CFAP70: variants seen among roughly 807,000 people sequenced by gnomAD.
CFAP70 encodes cilia and flagella associated protein 70.
CFAP70 carries 81 observed loss-of-function variants against 137.6 expected under a neutral mutation model. The observed-to-expected ratio is 0.59, with a 90% CI of 0.49 to 0.71. The LOEUF (loss-of-function observed/expected upper bound fraction) is 0.71, where lower values mean the gene tolerates loss of function less well. CFAP70 is among the 30% of genes least tolerant of loss of function. CFAP70 has a pLI of 0.00. For synonymous variants in CFAP70, 382 were observed against 423.6 expected (o/e 0.90, Z 1.20); for missense variants, 976 against 1,226.7 (o/e 0.80, Z 3.05).
At chr10:73,257,706 G>A (rs1045118391) in intron 25 of CFAP70, among the ~76,000 whole-genome samples, 2 of 152,112 alleles carry the variant, frequency 1.3e-5, no homozygotes, top group Non-Finnish European at 2.9e-5. Flanking sequence ...CAGCACACCT[G>A]CCTTTCCTAC....
At chr10:73,269,980 C>T (rs936003498) in intron 24 of CFAP70, among the ~76,000 whole-genome samples, 18 of 152,338 alleles carry the variant, frequency 1.2e-4, no homozygotes, top group African/African-American at 4.1e-4. Flanking sequence ...CTTCCCTCTA[C>T]AGCGGTCCCA....
chr10:73,309,148 C>A (rs1260954839), intron 12 of CFAP70, among the ~76,000 whole-genome samples: 2 of 151,880 alleles, frequency 1.3e-5, no homozygotes, highest in African/African-American at 2.4e-5. Flanking sequence ...GCAAGACTGA[C>A]TGAAAAAAGA....
intron 25 of CFAP70, among the ~76,000 whole-genome samples, chr10:73,263,890 T>C (rs1423569520): frequency 6.6e-6 from 1 of 152,228 alleles, no homozygotes; most frequent in Non-Finnish European, 1.5e-5. Context: ...TCCAATTCCA[T>C]CATTCTTCAT....
Position 73,273,034 on chromosome 10 carries a change from C to T in CFAP70, c.2836-17G>A. 6.5e-7 allele frequency: 1 copy of T among 1,533,194 alleles called. No homozygotes were observed. The highest frequency in any genetic ancestry group is 8.8e-7 in the Non-Finnish European group (1 of 1,131,828). 95.0% of individuals were successfully genotyped at this position (1,533,194 alleles called of 1,614,324 possible). A position where few individuals can be genotyped will look rare whatever the true frequency, so the allele number is the denominator to read the frequency against. On this transcript the variant is annotated splice_polypyrimidine_tract_variant and intron_variant, in intron 23 of 26. Coordinates refer to ENST00000310715, the Ensembl canonical transcript of CFAP70. The stretch of plus-strand genomic sequence containing the variant: ...CTTTTCATACTGTAGAAAGAAAGCA[C>T]CACTAAGCTACTGTTCTAGAAGCTT...
At chr10:73,347,250 TG>T (rs536452830) in intron 4 of CFAP70, among the ~76,000 whole-genome samples, 26 of 152,266 alleles carry the variant, frequency 1.7e-4, no homozygotes, top group Non-Finnish European at 2.5e-4. Flanking sequence ...TTGTAAGCAG[TG>T]GGTGAATCCA....
At chr10:73,321,511 T>C (rs2050849524) in intron 9 of CFAP70, among the ~76,000 whole-genome samples, 1 of 152,204 alleles carries the variant, frequency 6.6e-6, no homozygotes, top group Non-Finnish European at 1.5e-5. Context: ...TACAACTAGA[T>C]GATGGGGTTT....
At chr10:73,312,433 T>G in intron 10 of CFAP70, 40 bp downstream of exon 11, 2 of 1,456,458 alleles carry the variant, frequency 1.4e-6, no homozygotes, top group East Asian at 2.3e-5. Context: ...CTCTGGAATG[T>G]AATCTAAGAG....
intron 12 of CFAP70, among the ~76,000 whole-genome samples, chr10:73,300,706 G>GA (rs1217370947): frequency 4.6e-5 from 7 of 151,884 alleles, no homozygotes; most frequent in Admixed American, 4.6e-4. Context: ...CTACTAAAAT[G>GA]AAAAAAATTA....
At chr10:73,282,974 A>G (rs368858193) in intron 19 of CFAP70, among the ~76,000 whole-genome samples, 373 of 151,858 alleles carry the variant, frequency 2.5e-3, no homozygotes, top group African/African-American at 8.5e-3. Context: ...CTAGGATTAC[A>G]GTCGTGCACC....
At chr10:73,254,107 TA>T in intron 26 of CFAP70, 52 bp from the exon 28 acceptor site, 1 of 1,460,408 alleles carries the variant, frequency 6.8e-7, no homozygotes, top group Non-Finnish European at 9.4e-7. Flanking sequence ...TGATATACTT[TA>T]TGTGGCTTTG....
At chr10:73,281,865 A>G (rs1415587727) in intron 19 of CFAP70, among the ~76,000 whole-genome samples, 1 of 152,216 alleles carries the variant, frequency 6.6e-6, no homozygotes, top group Non-Finnish European at 1.5e-5. Flanking sequence ...GCTGGAGGCC[A>G]TTATCCTAAG....
At chr10:73,291,157 G>A (rs2048150476) in intron 19 of CFAP70, 69 bp downstream of exon 20, 1 of 1,413,516 alleles carries the variant, frequency 7.1e-7, no homozygotes, top group African/African-American at 1.4e-5. Flanking sequence ...TAGGACTACA[G>A]GTGTGAGCCA....
At chr10:73,316,937 G>A (rs2050439534) in intron 9 of CFAP70, among the ~76,000 whole-genome samples, 1 of 152,132 alleles carries the variant, frequency 6.6e-6, no homozygotes, top group Admixed American at 6.5e-5. Flanking sequence ...CAAGCTGAAA[G>A]ACCTCCTTTA....
chr10:73,269,950 T>C (rs2046108861), intron 24 of CFAP70, among the ~76,000 whole-genome samples: 1 of 152,208 alleles, frequency 6.6e-6, no homozygotes, highest in South Asian at 2.1e-4. Context: ...AGTAAGCTCT[T>C]AACTTATACC....
rs999589848 is a variant in CFAP70, at chr10:73,305,034, C to A, written c.1256+5124G>T. ...GCTGCACACCGCATCCCCAGCTCAG[C>A]AGCAGTCTCAAAGGTGGCAGCCTGG... On this transcript the variant is annotated intron_variant, in intron 12 of 26. Transcript: ENST00000310715. 2.0e-5 allele frequency among the ~76,000 whole-genome samples: 3 copies of A among 152,356 alleles called. No individual in the cohort carries two copies. The South Asian group carries it at 6.2e-4, about 32-fold the overall frequency.
chr10:73,341,394 C>T lies in CFAP70; in HGVS notation c.582+5G>A, dbSNP rs2053236704. On this transcript the variant is annotated splice_donor_5th_base_variant and intron_variant, in intron 6 of 26. Transcript: ENST00000310715. ...ATCACAAAAACCTGTATATCAGGCT[C>T]TCACCTCAGGATGGTTGAGTTCTCC... 1 of 1,599,138 alleles carries T rather than the reference C, an allele frequency of 6.3e-7. No individual in the cohort carries two copies. The highest frequency in any genetic ancestry group is 1.1e-5 in the South Asian group (1 of 89,256).
chr10:73,331,664 C>A (rs2052105016), intron 7 of CFAP70, among the ~76,000 whole-genome samples: 1 of 151,964 alleles, frequency 6.6e-6, no homozygotes, highest in South Asian at 2.1e-4. Context: ...CCTGGGCCAC[C>A]GTGAGACCCT....
At chr10:73,302,758 G>A (rs1408122945) in intron 12 of CFAP70, among the ~76,000 whole-genome samples, 1 of 152,066 alleles carries the variant, frequency 6.6e-6, no homozygotes, top group Non-Finnish European at 1.5e-5. Flanking sequence ...TTAAATTTAG[G>A]TATATTCTTA....
At chr10:73,313,834 T>G (rs2050131648) in intron 9 of CFAP70, among the ~76,000 whole-genome samples, 1 of 152,078 alleles carries the variant, frequency 6.6e-6, no homozygotes, top group South Asian at 2.1e-4. Context: ...AGAGTGAGAC[T>G]CCGTCTCAAA....
Sources: gnomAD v4.1 joint callset for allele counts (sites outside exome capture counted in the v4.1 genomes callset) on GRCh38, gnomAD v4.1.1 for gene constraint, MANE v1.5 for transcripts, NCBI Gene and HGNC (gene_info 2026-07-23, HGNC 2026-07-21) for gene names.